FBXL7: variants seen among roughly 807,000 people sequenced by gnomAD.
FBXL7 encodes F-box/LRR-repeat protein 7.
Under a neutral mutation model 38.3 loss-of-function variants are expected in FBXL7, and 12 were observed. The observed-to-expected ratio is 0.31, with a 90% CI of 0.20 to 0.51. The LOEUF (loss-of-function observed/expected upper bound fraction) is 0.51, where lower values mean the gene tolerates loss of function less well. FBXL7 is among the 20% of genes least tolerant of loss of function. FBXL7 has a pLI of 0.98. For synonymous variants in FBXL7, 297 were observed against 300.9 expected (o/e 0.99, Z 0.13); for missense variants, 567 against 676.4 (o/e 0.84, Z 1.79).
At chr5:15,933,662 C>G (rs1561194351) in intron 3 of FBXL7, among the ~76,000 whole-genome samples, 1 of 152,194 alleles carries the variant, frequency 6.6e-6, no homozygotes, top group South Asian at 2.1e-4. Context: ...GTGCTTCACT[C>G]CTTCCTGAAA....
intron 2 of FBXL7, among the ~76,000 whole-genome samples, chr5:15,760,324 A>C (rs1196838871): frequency 1.3e-5 from 2 of 152,074 alleles, no homozygotes; most frequent in African/African-American, 4.8e-5. Flanking sequence ...AGGTAGTGAA[A>C]ATATATTTTA....
chr5:15,870,381 G>T (rs777623494), intron 2 of FBXL7, among the ~76,000 whole-genome samples: 5 of 152,116 alleles, frequency 3.3e-5, no homozygotes, highest in African/African-American at 4.8e-5. Context: ...TTATCCCAAA[G>T]ACTCCAAGGC....
At chr5:15,694,845 T>A (rs759827281) in intron 2 of FBXL7, among the ~76,000 whole-genome samples, 9 of 152,132 alleles carry the variant, frequency 5.9e-5, no homozygotes, top group African/African-American at 2.2e-4. Context: ...TTTGCAACCA[T>A]AAATGGTAAA....
intron 1 of FBXL7, among the ~76,000 whole-genome samples, chr5:15,551,358 G>C (rs936319103): frequency 2.0e-5 from 3 of 152,216 alleles, no homozygotes; most frequent in Non-Finnish European, 1.5e-5. Context: ...CCTCTGTTCT[G>C]TGCAAAGTTC....
chr5:15,719,284 T>C (rs1285388190), intron 2 of FBXL7, among the ~76,000 whole-genome samples: 1 of 152,240 alleles, frequency 6.6e-6, no homozygotes, highest in Non-Finnish European at 1.5e-5. Context: ...CTTGTCGTTC[T>C]GTATCCTAAT....
intron 2 of FBXL7, among the ~76,000 whole-genome samples, chr5:15,918,785 A>C (rs549303688): frequency 1.3e-5 from 2 of 152,366 alleles, no homozygotes; most frequent in East Asian, 3.9e-4. Flanking sequence ...GTCCTTGGAC[A>C]GGAGTCTCTG....
At chr5:15,867,933 G>A (rs914748992) in intron 2 of FBXL7, among the ~76,000 whole-genome samples, 5 of 152,000 alleles carry the variant, frequency 3.3e-5, no homozygotes, top group Admixed American at 6.6e-5. Context: ...GTGAAACCCC[G>A]TCTCTGGTAA....
chr5:15,635,571 G>T (rs1425339943), intron 2 of FBXL7, among the ~76,000 whole-genome samples: 1 of 152,152 alleles, frequency 6.6e-6, no homozygotes, highest in Non-Finnish European at 1.5e-5. Context: ...AGAGTGGATG[G>T]GTGGGGCAGG....
intron 2 of FBXL7, among the ~76,000 whole-genome samples, chr5:15,709,072 G>A (rs1472640648): frequency 6.6e-6 from 1 of 152,128 alleles, no homozygotes; most frequent in African/African-American, 2.4e-5. Flanking sequence ...GATCAAGAGT[G>A]GGTTCCACTG....
intron 2 of FBXL7, among the ~76,000 whole-genome samples, chr5:15,912,608 C>T (rs753120915): frequency 6.6e-6 from 1 of 152,120 alleles, no homozygotes; most frequent in Non-Finnish European, 1.5e-5. Flanking sequence ...TACTCCACAA[C>T]TGAATTTCCA....
intron 2 of FBXL7, among the ~76,000 whole-genome samples, chr5:15,621,436 G>A (rs527617104): frequency 3.3e-5 from 5 of 152,128 alleles, no homozygotes; most frequent in African/African-American, 1.2e-4. Flanking sequence ...TCATTCATGG[G>A]GTATTCTCTC....
intron 2 of FBXL7, among the ~76,000 whole-genome samples, chr5:15,703,438 T>C (rs973473314): frequency 6.6e-6 from 1 of 152,206 alleles, no homozygotes. Context: ...AAGTGTCTGG[T>C]AATACTGACA....
At chr5:15,826,001 A>G (rs1238893687) in intron 2 of FBXL7, among the ~76,000 whole-genome samples, 3 of 152,114 alleles carry the variant, frequency 2.0e-5, no homozygotes, top group Non-Finnish European at 4.4e-5. Flanking sequence ...CCTTAAGGAG[A>G]TTTTTTTGTG....
intron 3 of FBXL7, among the ~76,000 whole-genome samples, chr5:15,929,899 A>C (rs1239091970): frequency 6.6e-6 from 1 of 152,118 alleles, no homozygotes; most frequent in Non-Finnish European, 1.5e-5. Context: ...AAGAAGTAAA[A>C]AACACTATGG....
intron 2 of FBXL7, among the ~76,000 whole-genome samples, chr5:15,849,177 G>T (rs143116085): frequency 6.6e-6 from 1 of 151,688 alleles, no homozygotes; most frequent in Non-Finnish European, 1.5e-5. Flanking sequence ...CAAACTTAAA[G>T]CCAAATTTAA....
intron 2 of FBXL7, among the ~76,000 whole-genome samples, chr5:15,750,050 T>G (rs1736116288): frequency 6.6e-6 from 1 of 152,202 alleles, no homozygotes; most frequent in Non-Finnish European, 1.5e-5. Flanking sequence ...TTGAGTAATA[T>G]CTTTGAGATG....
chr5:15,661,804 A>C lies in FBXL7; in HGVS notation c.127+45732A>C, dbSNP rs566869154. ...GTATTTGGATTTCTGTTCCTTCATTAGTTTGCTAAGGATATATTATGCCTC... is the reference window on the plus strand; with the variant it reads ...GTATTTGGATTTCTGTTCCTTCATTCGTTTGCTAAGGATATATTATGCCTC... On this transcript the variant is annotated intron_variant, in intron 2 of 3. Coordinates refer to ENST00000504595, the MANE Select transcript of FBXL7 (RefSeq NM_012304.5). Among the ~76,000 whole-genome samples, 5 of 152,260 alleles carry C rather than the reference A, an allele frequency of 3.3e-5. No individual in the cohort carries two copies. The East Asian group carries it at 5.8e-4, about 18-fold the overall frequency.
At chr5:15,810,467 A>C (rs901693177) in intron 2 of FBXL7, among the ~76,000 whole-genome samples, 1 of 151,974 alleles carries the variant, frequency 6.6e-6, no homozygotes, top group Non-Finnish European at 1.5e-5. Flanking sequence ...AGGCTGAGGC[A>C]GGAGAATCAC....
intron 1 of FBXL7, among the ~76,000 whole-genome samples, chr5:15,519,740 G>A (rs1312570069): frequency 1.3e-5 from 2 of 152,178 alleles, no homozygotes; most frequent in East Asian, 1.9e-4. Context: ...GAGAAATAGT[G>A]TATTGGTATG....
Sources: allele counts gnomAD v4.1 joint callset (sites outside exome capture counted in the v4.1 genomes callset), GRCh38; gene constraint gnomAD v4.1.1; transcripts MANE v1.5; gene names NCBI Gene and HGNC (gene_info 2026-07-23, HGNC 2026-07-21).